Variants in PRKN observed in about 807,000 individuals in gnomAD.
PRKN encodes parkin RBR E3 ubiquitin protein ligase, also known as E3 ubiquitin-protein ligase parkin.
PRKN carries 56 observed loss-of-function variants against 59.5 expected under a neutral mutation model. The ratio of observed to expected loss-of-function variants is 0.94; its 90% CI spans 0.76 to 1.18. PRKN has a LOEUF of 1.18. Among genes scored for constraint, PRKN ranks in the 50% most tolerant of loss-of-function variants. PRKN has a pLI of 0.00. For synonymous variants in PRKN, 250 were observed against 222.1 expected (o/e 1.13, Z -1.12); for missense variants, 657 against 596.4 (o/e 1.10, Z -1.06).
At chr6:162,010,256 A>G (rs896265750) in intron 5 of PRKN, among the ~76,000 whole-genome samples, 32 of 131,154 alleles carry the variant, frequency 2.4e-4, no homozygotes, top group African/African-American at 7.8e-4. Flanking sequence ...TATACATAAT[A>G]TATATTTTAT....
At chr6:162,001,538 G>A (rs1420715316) in intron 5 of PRKN, among the ~76,000 whole-genome samples, 2 of 152,040 alleles carry the variant, frequency 1.3e-5, no homozygotes, top group East Asian at 3.9e-4. Flanking sequence ...ACTAGTTTGG[G>A]GGATTTTTTT....
intron 7 of PRKN, among the ~76,000 whole-genome samples, chr6:161,735,573 T>C (rs577029237): frequency 6.6e-6 from 1 of 152,256 alleles, no homozygotes; most frequent in South Asian, 2.1e-4. Flanking sequence ...GTGCAGGGGC[T>C]CAGAACACCT....
At chr6:161,568,264 G>A (rs926860262) in intron 8 of PRKN, among the ~76,000 whole-genome samples, 3 of 152,194 alleles carry the variant, frequency 2.0e-5, no homozygotes, top group African/African-American at 7.2e-5. Context: ...ATATTTCCTG[G>A]TCAAAGTTGG....
chr6:162,046,371 C>T lies in PRKN; in HGVS notation c.618+7720G>A, dbSNP rs1393423585. On this transcript the variant is annotated intron_variant, in intron 5 of 11. Coordinates refer to ENST00000366898, the MANE Select transcript of PRKN (RefSeq NM_004562.3). ...ATAAAGTGCGATACAAACTATAGAA[C>T]AGAAGATCGCAGATCATCAAGTGTA... is the stretch of plus-strand genomic sequence containing the variant. 3.3e-5 allele frequency among the ~76,000 whole-genome samples: 5 copies of T among 152,172 alleles called. No homozygotes were observed. The East Asian group carries it at 9.6e-4, about 29-fold the overall frequency.
chr6:161,421,148 A>T (rs1662394351), intron 9 of PRKN, among the ~76,000 whole-genome samples: 1 of 152,006 alleles, frequency 6.6e-6, no homozygotes, highest in South Asian at 2.1e-4. Flanking sequence ...GTGAGCCTTT[A>T]CCCTCCAGGC....
intron 2 of PRKN, among the ~76,000 whole-genome samples, chr6:162,365,418 AT>A (rs1432007525): frequency 1.4e-4 from 21 of 152,208 alleles, no homozygotes; most frequent in South Asian, 6.2e-4. Flanking sequence ...ATGTTGAAAT[AT>A]TTTCCCCTAA....
intron 3 of PRKN, among the ~76,000 whole-genome samples, chr6:162,259,924 G>A (rs1034574278): frequency 1.4e-4 from 22 of 152,164 alleles, no homozygotes; most frequent in African/African-American, 5.1e-4. Context: ...GTTCTGAAAA[G>A]GATTCCCTCC....
intron 1 of PRKN, among the ~76,000 whole-genome samples, chr6:162,604,847 G>C (rs552200483): frequency 7.2e-5 from 11 of 152,090 alleles, no homozygotes; most frequent in Admixed American, 3.3e-4. Flanking sequence ...TCCAGCAAAA[G>C]TGCAACTGGT....
intron 7 of PRKN, among the ~76,000 whole-genome samples, chr6:161,639,642 T>A (rs901680756): frequency 1.3e-5 from 2 of 152,156 alleles, no homozygotes; most frequent in African/African-American, 4.8e-5. Context: ...TCCAGCCCCA[T>A]GGAGAGGGAG....
intron 4 of PRKN, among the ~76,000 whole-genome samples, chr6:162,145,283 A>T (rs1781973554): frequency 6.6e-6 from 1 of 152,196 alleles, no homozygotes. Context: ...CCAGTGTTCA[A>T]ACAGATAAAG....
intron 7 of PRKN, among the ~76,000 whole-genome samples, chr6:161,767,513 T>C (rs1178770316): frequency 4.9e-5 from 2 of 40,484 alleles, no homozygotes; most frequent in Non-Finnish European, 9.5e-5. Flanking sequence ...CAAAACTCCT[T>C]CTCAAAAAAA....
Position 161,488,741 on chromosome 6 carries a change from T to C in PRKN, c.1083+60113A>G, listed in dbSNP as rs1037845663. 4.6e-5 allele frequency among the ~76,000 whole-genome samples: 7 copies of C among 152,186 alleles called. No homozygotes were observed. In the East Asian group the frequency reaches 1.4e-3, roughly 29 times the overall value. ...CTCAAGTGATCCTCCCACCTTGGCC[T>C]CCTGAAGTGTTGGGATTACAGGCGT... On this transcript the variant is annotated intron_variant, in intron 9 of 11. Coordinates refer to ENST00000366898, the MANE Select transcript of PRKN (RefSeq NM_004562.3). The surrounding 1 kb of genome is among the most constrained non-coding windows in gnomAD (Gnocchi z 4.5).
At chr6:162,121,884 A>T (rs1780929670) in intron 4 of PRKN, among the ~76,000 whole-genome samples, 1 of 152,156 alleles carries the variant, frequency 6.6e-6, no homozygotes, top group South Asian at 2.1e-4. Context: ...TCACTAAAAC[A>T]CTGGTTGATG....
chr6:161,637,190 A>C (rs997586755), intron 7 of PRKN, among the ~76,000 whole-genome samples: 12 of 152,182 alleles, frequency 7.9e-5, no homozygotes, highest in African/African-American at 2.9e-4. Context: ...GTATTCATGC[A>C]TGTAGGAAAT....
At chr6:162,604,694 C>T (rs921489666) in intron 1 of PRKN, among the ~76,000 whole-genome samples, 8 of 135,114 alleles carry the variant, frequency 5.9e-5, no homozygotes, top group South Asian at 2.6e-4. Flanking sequence ...TTCTTTCTCT[C>T]TCCTTTTTTT....
At chr6:161,801,636 T>C (rs1021085618) in intron 6 of PRKN, among the ~76,000 whole-genome samples, 1 of 152,212 alleles carries the variant, frequency 6.6e-6, no homozygotes. Flanking sequence ...CTGTGGCTGC[T>C]TTTCAGTTAT....
Position 162,069,905 on chromosome 6 carries a change from C to T in PRKN, c.535-15731G>A, listed in dbSNP as rs562437103. 3.3e-5 allele frequency among the ~76,000 whole-genome samples: 5 copies of T among 152,176 alleles called. No individual in the cohort carries two copies. In the South Asian group the frequency reaches 6.2e-4, roughly 19 times the overall value. On this transcript the variant is annotated intron_variant, in intron 4 of 11. Coordinates refer to ENST00000366898, the MANE Select transcript of PRKN (RefSeq NM_004562.3). ...AAAAAACTTTATATGGTATACAGGA[C>T]GCAAGAGAGGCAAAAATGATTTTTG... is the stretch of plus-strand genomic sequence containing the variant.
At chr6:161,941,273 G>C (rs1779557011) in intron 6 of PRKN, among the ~76,000 whole-genome samples, 1 of 152,194 alleles carries the variant, frequency 6.6e-6, no homozygotes, top group African/African-American at 2.4e-5. Context: ...GCTGGACGTT[G>C]AGAGGAGCAC....
At chr6:162,493,207 G>A (rs1361600474) in intron 1 of PRKN, among the ~76,000 whole-genome samples, 3 of 152,132 alleles carry the variant, frequency 2.0e-5, no homozygotes, top group Admixed American at 6.6e-5. Context: ...CCTTTATGTA[G>A]AGGAAGAGAG....
Sources: allele counts gnomAD v4.1 joint callset (sites outside exome capture counted in the v4.1 genomes callset), GRCh38; gene constraint gnomAD v4.1.1; non-coding constraint Gnocchi (gnomAD v3.1); transcripts MANE v1.5; gene names NCBI Gene and HGNC (gene_info 2026-07-23, HGNC 2026-07-21).